Variants in ZW10 observed in about 807,000 individuals in gnomAD.
ZW10 encodes the protein centromere/kinetochore protein zw10 homolog.
In ZW10, 53 loss-of-function variants were observed where a neutral mutation model predicts 87.8. The ratio of observed to expected loss-of-function variants is 0.60; its 90% CI spans 0.48 to 0.76. The LOEUF (loss-of-function observed/expected upper bound fraction) is 0.76, where lower values mean the gene tolerates loss of function less well. Ranked by LOEUF, ZW10 falls within the 30% of genes least tolerant of loss-of-function variation. The pLI is 0.00. For synonymous variants in ZW10, 312 were observed against 329.2 expected (o/e 0.95, Z 0.57); for missense variants, 837 against 923.0 (o/e 0.91, Z 1.21).
At position 113,754,669 on chromosome 11, in the gene ZW10, G is replaced by A. The variant is rs571903592; in HGVS notation, c.925+2993C>T. Among the ~76,000 whole-genome samples the A allele has an allele frequency of 9.9e-5, 15 of 152,094 alleles. No individual in the cohort carries two copies. The East Asian group carries it at 1.6e-3, about 16-fold the overall frequency. On this transcript the variant is annotated intron_variant, in intron 7 of 15. Coordinates refer to ENST00000200135, the MANE Select transcript of ZW10 (RefSeq NM_004724.4). ...TGCTGTTACCCAGGAGTGCAGTAAC[G>A]TGAACACAGCTCACTGCAGCCTCCA...
In ZW10 at chr11:113,734,299, A is replaced by G. The variant is rs575261899; in HGVS notation, c.2220-485T>C. Among the ~76,000 whole-genome samples, 37 of 152,362 alleles carry G rather than the reference A, an allele frequency of 2.4e-4. No homozygotes were observed. The South Asian group carries it at 4.1e-3, about 17-fold the overall frequency. ...TAGAAGAAACATGAATGACCAATGA[A>G]AAGATGCTCAACATCATTAGAATTT... On this transcript the variant is annotated intron_variant, in intron 15 of 15. Coordinates refer to ENST00000200135, the MANE Select transcript of ZW10 (RefSeq NM_004724.4).
Position 113,748,431 on chromosome 11 carries a change from TA to T in ZW10, c.926-12del, listed in dbSNP as rs749228728. The stretch of plus-strand genomic sequence containing the variant: ...TGTCAAGTGGCAAATCTGAATTTTT[TA>T]AAAAAAGAAGTTTTAAACAAGAAAC... On this transcript the variant is annotated splice_polypyrimidine_tract_variant and intron_variant, in intron 7 of 15. Coordinates refer to ENST00000200135, the MANE Select transcript of ZW10 (RefSeq NM_004724.4). The T allele has an allele frequency of 6.4e-7, 1 of 1,573,408 alleles. No individual in the cohort carries two copies. The highest frequency in any genetic ancestry group is 1.2e-5 in the South Asian group (1 of 83,794).
chr11:113,761,563 G>C (rs187411701), intron 2 of ZW10, among the ~76,000 whole-genome samples: 4 of 152,264 alleles, frequency 2.6e-5, no homozygotes, highest in Admixed American at 2.6e-4. Context: ...TTGTAGGCAT[G>C]AGCCATGGCA....
intron 1 of ZW10, 117 bp downstream of exon 1, chr11:113,773,445 G>C (rs1254102423): frequency 1.3e-6 from 1 of 777,822 alleles, no homozygotes; most frequent in Non-Finnish European, 2.1e-6. Flanking sequence ...TCCCCAACAG[G>C]CCCCACTCTG....
chr11:113,739,817 T>C (rs1953595194), intron 11 of ZW10, among the ~76,000 whole-genome samples: 2 of 152,196 alleles, frequency 1.3e-5, no homozygotes, highest in South Asian at 4.1e-4. Flanking sequence ...ACTGACTAGA[T>C]TAGAGTCACC....
intron 2 of ZW10, among the ~76,000 whole-genome samples, chr11:113,761,592 A>G (rs567116538): frequency 6.6e-6 from 1 of 152,232 alleles, no homozygotes; most frequent in East Asian, 1.9e-4. Context: ...GAAAGATTTA[A>G]TATTGAGGCA....
chr11:113,761,611 C>T (rs981143620), intron 2 of ZW10, among the ~76,000 whole-genome samples: 2 of 152,136 alleles, frequency 1.3e-5, no homozygotes, highest in African/African-American at 4.8e-5. Context: ...CAGAATCTAC[C>T]TCTCATTCTG....
At chr11:113,749,924 C>A (rs560442053) in intron 7 of ZW10, among the ~76,000 whole-genome samples, 1 of 152,178 alleles carries the variant, frequency 6.6e-6, no homozygotes, top group African/African-American at 2.4e-5. Flanking sequence ...TTTCTCCAGA[C>A]TGATCCTATC....
At chr11:113,760,691 T>TAAAAAAAAAAAAAAA in intron 3 of ZW10, 101 bp from the exon 4 acceptor site, 3 of 747,966 alleles carry the variant, frequency 4.0e-6, no homozygotes, top group East Asian at 3.3e-5. Context: ...CTCCCCCCTC[T>TAAAAAAAAAAAAAAA]AAAAAAAAAA....
intron 9 of ZW10, among the ~76,000 whole-genome samples, chr11:113,747,018 T>C (rs1953685286): frequency 6.6e-6 from 1 of 151,862 alleles, no homozygotes; most frequent in Admixed American, 6.6e-5. Flanking sequence ...CATTATTTCA[T>C]ACATGTAAGA....
At position 113,771,069 on chromosome 11, in the gene ZW10, G is replaced by A. The variant is rs145105475; in HGVS notation, c.106-2102C>T. On this transcript the variant is annotated intron_variant, in intron 1 of 15. Coordinates refer to ENST00000200135, the MANE Select transcript of ZW10 (RefSeq NM_004724.4). ...CACCTCACTGCAATTTCCACTTCCCGGGTTCAAGCGATTCTTCTGCCTCAG... is the reference window on the plus strand; with the variant it reads ...CACCTCACTGCAATTTCCACTTCCCAGGTTCAAGCGATTCTTCTGCCTCAG... Among the ~76,000 whole-genome samples, 1,384 of 149,048 alleles carry A rather than the reference G, an allele frequency of 9.3e-3. 24 individuals carry two copies. The highest frequency in any genetic ancestry group is 0.033 in the African/African-American group (1,345 of 40,862).
intron 7 of ZW10, among the ~76,000 whole-genome samples, chr11:113,748,792 CT>C (rs1250827928): frequency 1.3e-5 from 2 of 152,092 alleles, no homozygotes; most frequent in Non-Finnish European, 2.9e-5. Flanking sequence ...AATAAACATA[CT>C]TTTTTCGTCT....
At chr11:113,743,481 TCAA>T (rs1428193775) in intron 10 of ZW10, among the ~76,000 whole-genome samples, 2 of 152,198 alleles carry the variant, frequency 1.3e-5, no homozygotes, top group African/African-American at 4.8e-5. Flanking sequence ...AAGTAAAAAT[TCAA>T]CAACAATTGA....
chr11:113,750,370 C>G (rs550376623), intron 7 of ZW10, among the ~76,000 whole-genome samples: 2 of 151,590 alleles, frequency 1.3e-5, no homozygotes, highest in African/African-American at 4.8e-5. Context: ...ATGGCGCGAT[C>G]TTGGCTCACT....
At chr11:113,746,011 TG>T (rs11315692) in intron 9 of ZW10, among the ~76,000 whole-genome samples, 85,663 of 151,888 alleles carry the variant, frequency 0.56, 24,493 homozygotes, top group East Asian at 0.7. Context: ...TGGCAATGTC[TG>T]GAGATATTTT....
At chr11:113,752,305 A>G (rs948266413) in intron 7 of ZW10, among the ~76,000 whole-genome samples, 1 of 152,162 alleles carries the variant, frequency 6.6e-6, no homozygotes, top group African/African-American at 2.4e-5. Context: ...AAATATATAT[A>G]CACACACAGC....
At chr11:113,745,336 G>A (rs2134873839) in intron 9 of ZW10, among the ~76,000 whole-genome samples, 1 of 151,858 alleles carries the variant, frequency 6.6e-6, no homozygotes, top group Non-Finnish European at 1.5e-5. Flanking sequence ...TGTAGAGGCA[G>A]CAGGCTCCCT....
chr11:113,733,866 G>A, intron 15 of ZW10, 52 bp from the exon 16 acceptor site: 3 of 1,524,002 alleles, frequency 2.0e-6, no homozygotes, highest in Non-Finnish European at 2.6e-6. Flanking sequence ...TGAAGTATAA[G>A]CAAGACTTAA....
In ZW10 at chr11:113,744,009, T is replaced by C. The variant is rs748580866; in HGVS notation, c.1304A>G (p.Glu435Gly). Residue 435 changes from glutamate to glycine, a missense_variant, in exon 10 of 16, where the codon GAG (glutamate) becomes GGG (glycine). Glu to Gly is a moderately conservative substitution (Grantham distance 98, BLOSUM62 -2). Coordinates refer to ENST00000200135, the MANE Select transcript of ZW10 (RefSeq NM_004724.4). ...GTTATCCTCATCAGGAGTGGGTAAC[T>C]CTGGCACATTTATCTTAGAATCAGG... The part of the protein sequence containing the change: ...IIPDSKINVP[E>G]LPTPDEDNKL... 1.2e-6 allele frequency: 2 copies of C among 1,613,458 alleles called. No individual in the cohort carries two copies. Among genetic ancestry groups the C allele is most frequent in the Non-Finnish European group, 8.5e-7 (1 of 1,179,444 alleles).
Sources: gnomAD v4.1 joint callset for allele counts (sites outside exome capture counted in the v4.1 genomes callset) on GRCh38, gnomAD v4.1.1 for gene constraint, MANE v1.5 for transcripts, NCBI Gene and HGNC (gene_info 2026-07-23, HGNC 2026-07-21) for gene names.